CNGB1: variants seen among roughly 807,000 people sequenced by gnomAD.
CNGB1 encodes cyclic nucleotide gated channel subunit beta 1, also known as cyclic nucleotide-gated channel beta-1.
Under a neutral mutation model 151.7 loss-of-function variants are expected in CNGB1, and 126 were observed. The observed-to-expected ratio is 0.83, with a 90% CI of 0.72 to 0.96. CNGB1 has a LOEUF of 0.96. Ranked by LOEUF, CNGB1 falls within the 40% of genes least tolerant of loss-of-function variation. The pLI is 0.00. For synonymous variants in CNGB1, 623 were observed against 635.1 expected (o/e 0.98, Z 0.29); for missense variants, 1,698 against 1,627.0 (o/e 1.04, Z -0.75).
chr16:57,953,925 C>T (rs903794390), intron 12 of CNGB1, among the ~76,000 whole-genome samples: 12 of 152,048 alleles, frequency 7.9e-5, no homozygotes, highest in Non-Finnish European at 1.5e-4. Context: ...TCCCAGCTCC[C>T]GGTACTCTTG....
chr16:57,957,421 T>C (rs1462047458), intron 11 of CNGB1, 44 bp from the exon 12 acceptor site: 9 of 1,572,308 alleles, frequency 5.7e-6, no homozygotes, highest in Non-Finnish European at 7.0e-6. Flanking sequence ...CACGGCCTCT[T>C]CACCAGCCTC....
chr16:57,932,782 G>A (rs193028293), intron 16 of CNGB1, among the ~76,000 whole-genome samples: 4 of 152,262 alleles, frequency 2.6e-5, no homozygotes, highest in Admixed American at 2.0e-4. Flanking sequence ...GGGTTTCACC[G>A]TGTTAGCCAG....
At chr16:57,916,376 C>T (rs1476824762) in intron 21 of CNGB1, among the ~76,000 whole-genome samples, 197 bp from the exon 22 acceptor site, 5 of 152,136 alleles carry the variant, frequency 3.3e-5, no homozygotes, top group African/African-American at 1.2e-4. Flanking sequence ...CTGTTCTGGT[C>T]ACCCAGCTAG....
chr16:57,910,561 A>G lies in CNGB1; in HGVS notation c.2492+1192T>C, dbSNP rs149619983. ...GCTAATTTTTGTATTTTTATTACAG[A>G]TGGGATTTCGCTGTGTCGGCCAGGC... On this transcript the variant is annotated intron_variant, in intron 25 of 32. Coordinates refer to ENST00000251102, the MANE Select transcript of CNGB1 (RefSeq NM_001297.5). Among the ~76,000 whole-genome samples the G allele has an allele frequency of 3.0e-3, 454 of 150,904 alleles. 2 individuals are homozygous for G. Among genetic ancestry groups the G allele is most frequent in the African/African-American group, 0.01 (429 of 41,122 alleles).
At chr16:57,965,796 C>T (rs536428837) in intron 2 of CNGB1, among the ~76,000 whole-genome samples, 23 of 152,280 alleles carry the variant, frequency 1.5e-4, no homozygotes, top group African/African-American at 5.5e-4. Context: ...CATACTAATA[C>T]ATGTGCACAT....
At chr16:57,911,655 A>G in intron 25 of CNGB1, 98 bp downstream of exon 25, 3 of 1,539,682 alleles carry the variant, frequency 1.9e-6, no homozygotes, top group Non-Finnish European at 2.7e-6. Flanking sequence ...TTGGCAATAC[A>G]GCAGCAATAA....
intron 32 of CNGB1, among the ~76,000 whole-genome samples, chr16:57,886,338 C>T (rs1959929549): frequency 6.6e-6 from 1 of 152,200 alleles, no homozygotes; most frequent in Non-Finnish European, 1.5e-5. Flanking sequence ...CAAGCCCACC[C>T]CAGCTGAAGC....
chr16:57,953,376 T>G (rs531937403), intron 12 of CNGB1, among the ~76,000 whole-genome samples: 2 of 151,706 alleles, frequency 1.3e-5, no homozygotes, highest in South Asian at 4.2e-4. Context: ...ACACTTGTAG[T>G]CCTAGCTACT....
intron 2 of CNGB1, among the ~76,000 whole-genome samples, chr16:57,965,353 A>G (rs537946169): frequency 2.4e-4 from 37 of 152,370 alleles, no homozygotes; most frequent in South Asian, 6.2e-4. Context: ...GCATACAGTC[A>G]TATGCAAACG....
intron 4 of CNGB1, 69 bp from the exon 5 acceptor site, chr16:57,963,133 A>G: frequency 8.8e-7 from 1 of 1,135,688 alleles, no homozygotes; most frequent in East Asian, 2.3e-5. Flanking sequence ...GAGGCCCAAG[A>G]CACTAGGTGA....
At chr16:57,907,049 T>A (rs1365925137) in intron 25 of CNGB1, among the ~76,000 whole-genome samples, 1 of 152,222 alleles carries the variant, frequency 6.6e-6, no homozygotes, top group African/African-American at 2.4e-5. Flanking sequence ...CCTCCTTCAT[T>A]ACTCGTACTC....
At chr16:57,941,768 CT>C (rs1961675092) in intron 14 of CNGB1, among the ~76,000 whole-genome samples, 1 of 152,174 alleles carries the variant, frequency 6.6e-6, no homozygotes, top group Non-Finnish European at 1.5e-5. Context: ...AAGCTGAAAG[CT>C]TTTCCTTTAA....
chr16:57,917,547 G>A, intron 20 of CNGB1, 71 bp from the exon 21 acceptor site: 5 of 1,496,120 alleles, frequency 3.3e-6, no homozygotes, highest in Non-Finnish European at 4.7e-6. Flanking sequence ...GATCAGGTAG[G>A]GTTTTGTTCT....
chr16:57,923,408 C>T (rs1476627384), intron 17 of CNGB1, 28 bp from the exon 18 acceptor site: 3 of 1,585,958 alleles, frequency 1.9e-6, no homozygotes, highest in Admixed American at 1.7e-5. Flanking sequence ...TGGAAGGGGC[C>T]TTCAGCAAAG....
At position 57,903,954 on chromosome 16, in the gene CNGB1, C is replaced by T. The variant is rs368328328; in HGVS notation, c.2662G>A (p.Ala888Thr). The stretch of plus-strand genomic sequence containing the variant: ...CAGCTGCGGTAGTAGGTCTGTCCGG[C>T]GGTGGCGGCCCCTACCACATCTCTC... ...QMRDVVGAAT[A>T]GQTYYRSCMD... Residue 888 changes from alanine to threonine, a missense_variant, in exon 27 of 33, where the codon GCC becomes ACC. Transcript: ENST00000251102. 1.5e-4 allele frequency: 237 copies of T among 1,613,882 alleles called. No homozygotes were observed. The highest frequency in any genetic ancestry group is 1.3e-3 in the South Asian group (121 of 91,050).
At chr16:57,892,605 C>T (rs141616897) in intron 31 of CNGB1, among the ~76,000 whole-genome samples, 148 of 152,268 alleles carry the variant, frequency 9.7e-4, no homozygotes, top group African/African-American at 3.4e-3. Context: ...CTTCAAGTCA[C>T]TCCTCTGTGT....
At chr16:57,955,275 C>T in intron 12 of CNGB1, 1 of 1,550,556 alleles carries the variant, frequency 6.4e-7, no homozygotes. Flanking sequence ...GTCTTCTCTT[C>T]AGGGCATCCT....
At chr16:57,903,206 AT>A (rs1960437679) in intron 27 of CNGB1, among the ~76,000 whole-genome samples, 1 of 141,316 alleles carries the variant, frequency 7.1e-6, no homozygotes, top group Admixed American at 6.9e-5. Flanking sequence ...TTTTTTTTCA[AT>A]TTAAACTGCA....
Position 57,904,722 on chromosome 16 carries a change from G to A in CNGB1, c.2634+12C>T, listed in dbSNP as rs765514157. ...TCAGGTGGGGTGGGAAGCTGGGCTGGTGCCCCGATACCTGTCCGATCATCA... is the reference window on the plus strand; with the variant it reads ...TCAGGTGGGGTGGGAAGCTGGGCTGATGCCCCGATACCTGTCCGATCATCA... On this transcript the variant is annotated intron_variant, in intron 26 of 32. Coordinates refer to ENST00000251102, the MANE Select transcript of CNGB1 (RefSeq NM_001297.5). The A allele has an allele frequency of 4.3e-6, 7 of 1,613,958 alleles. No individual in the cohort carries two copies. The highest frequency in any genetic ancestry group is 2.2e-5 in the East Asian group (1 of 44,878).
Sources: allele counts gnomAD v4.1 joint callset (sites outside exome capture counted in the v4.1 genomes callset), GRCh38; gene constraint gnomAD v4.1.1; transcripts MANE v1.5; gene names NCBI Gene and HGNC (gene_info 2026-07-23, HGNC 2026-07-21).